VIL1: variants seen among roughly 807,000 people sequenced by gnomAD.
VIL1 encodes villin 1, also known as villin-1.
VIL1 carries 86 observed loss-of-function variants against 104.0 expected under a neutral mutation model. That is an observed-to-expected ratio of 0.83 (90% confidence interval 0.69 to 0.99). The LOEUF is 0.99. Among genes scored for constraint, VIL1 ranks in the 50% least tolerant of loss-of-function variants. The pLI, the probability that VIL1 is intolerant of heterozygous loss-of-function variation, is 0.00. For synonymous variants in VIL1, 394 were observed against 412.6 expected (o/e 0.95, Z 0.55); for missense variants, 944 against 1,054.1 (o/e 0.90, Z 1.45).
intron 12 of VIL1, chr2:218,432,428 C>T: frequency 4.1e-6 from 3 of 735,172 alleles, no homozygotes; most frequent in Non-Finnish European, 2.4e-6. Context: ...ACCTGCTCTG[C>T]CCATGGGTTT....
intron 19 of VIL1, among the ~76,000 whole-genome samples, chr2:218,447,595 C>T (rs535968024): frequency 1.1e-3 from 175 of 152,266 alleles, no homozygotes; most frequent in Middle Eastern, 0.01. Context: ...ACTGGAATTA[C>T]AGACGTGAGC....
At position 218,421,146 on chromosome 2, in the gene VIL1, T is replaced by C. The variant is rs533635573; in HGVS notation, c.-12+1978T>C. 3.9e-5 allele frequency among the ~76,000 whole-genome samples: 6 copies of C among 152,142 alleles called. No individual in the cohort carries two copies. In the South Asian group the frequency reaches 1.0e-3, roughly 26 times the overall value. On this transcript the variant is annotated intron_variant, in intron 1 of 19. Coordinates refer to ENST00000248444, the MANE Select transcript of VIL1 (RefSeq NM_007127.3). ...TTAGTGTCAGAAAGGTGGGGAGAGC[T>C]TTCCATATTGGAGCAGTGCAAGCAG...
chr2:218,447,662 T>C (rs375985096), intron 19 of VIL1, among the ~76,000 whole-genome samples: 1 of 152,112 alleles, frequency 6.6e-6, no homozygotes, highest in African/African-American at 2.4e-5. Flanking sequence ...GATACCCTTA[T>C]AGGGCTCATC....
At chr2:218,441,993 GATAATA>G (rs34846635) in intron 19 of VIL1, among the ~76,000 whole-genome samples, 1 of 151,408 alleles carries the variant, frequency 6.6e-6, no homozygotes, top group Non-Finnish European at 1.5e-5. Context: ...ATCTCAAAAT[GATAATA>G]ATAATAATAA....
intron 7 of VIL1, 25 bp downstream of exon 7, chr2:218,429,512 G>T (rs755945766): frequency 6.2e-7 from 1 of 1,613,376 alleles, no homozygotes; most frequent in East Asian, 2.2e-5. Flanking sequence ...GGGTCTTCCT[G>T]GGTGCTGGGG....
chr2:218,443,436 G>A (rs1314367515), intron 19 of VIL1, among the ~76,000 whole-genome samples: 1 of 151,888 alleles, frequency 6.6e-6, no homozygotes, highest in African/African-American at 2.4e-5. Flanking sequence ...GACCTTAGGT[G>A]ATCTGCCCAC....
intron 2 of VIL1, 103 bp downstream of exon 2, chr2:218,423,956 C>T: frequency 7.5e-7 from 1 of 1,327,386 alleles, no homozygotes; most frequent in Non-Finnish European, 1.1e-6. Flanking sequence ...CTGCTCCTGC[C>T]CTGAAGCCCC....
At chr2:218,420,590 T>TG (rs1272906981) in intron 1 of VIL1, among the ~76,000 whole-genome samples, 2 of 150,322 alleles carry the variant, frequency 1.3e-5, no homozygotes, top group African/African-American at 4.9e-5. Context: ...TTTTTTTTTT[T>TG]TTGTTTTTTT....
chr2:218,434,459 T>G, intron 13 of VIL1, 67 bp from the exon 14 acceptor site: 3 of 1,504,240 alleles, frequency 2.0e-6, no homozygotes, highest in Non-Finnish European at 2.7e-6. Context: ...TCCCCCTCTG[T>G]TCCCCATCAT....
intron 19 of VIL1, among the ~76,000 whole-genome samples, chr2:218,441,544 C>G (rs1689284826): frequency 6.6e-6 from 1 of 152,152 alleles, no homozygotes; most frequent in Non-Finnish European, 1.5e-5. Flanking sequence ...GGGGGCAAAA[C>G]TGCAAGAGGG....
chr2:218,420,604 GAGA>G (rs1688886924), intron 1 of VIL1, among the ~76,000 whole-genome samples: 1 of 101,322 alleles, frequency 9.9e-6, no homozygotes, highest in Non-Finnish European at 2.1e-5. Context: ...TTTTTTTTTT[GAGA>G]AGGAGTCTCA....
chr2:218,424,833 A>G (rs1363458153), intron 3 of VIL1, among the ~76,000 whole-genome samples: 2 of 151,410 alleles, frequency 1.3e-5, no homozygotes, highest in African/African-American at 2.4e-5. Context: ...ATTTTTTTGT[A>G]TTTTTTAGTA....
chr2:218,424,407 A>C, intron 3 of VIL1, 56 bp downstream of exon 3: 1 of 1,578,564 alleles, frequency 6.3e-7, no homozygotes, highest in African/African-American at 1.3e-5. Flanking sequence ...CTGTGGTGTC[A>C]GGGAGGAAAC....
chr2:218,439,872 C>T (rs955725138), intron 18 of VIL1, among the ~76,000 whole-genome samples: 5 of 150,752 alleles, frequency 3.3e-5, no homozygotes, highest in African/African-American at 1.2e-4. Context: ...TGTATTTAGC[C>T]TTTAGGCCTG....
intron 1 of VIL1, among the ~76,000 whole-genome samples, chr2:218,422,187 G>A (rs1030287101): frequency 2.0e-5 from 3 of 152,116 alleles, no homozygotes; most frequent in Non-Finnish European, 4.4e-5. Context: ...CCCGGGAGGC[G>A]GAGGTTGAAG....
chr2:218,451,375 G>A lies in VIL1; in HGVS notation c.*2039G>A, dbSNP rs1421499904. The A allele has an allele frequency of 6.6e-6, 1 of 152,070 alleles. No homozygotes were observed. The highest frequency in any genetic ancestry group is 1.5e-5 in the Non-Finnish European group (1 of 68,008). The allele number at this position is 152,070 out of a possible 1,614,324, so 9.4% of individuals were successfully genotyped here. On this transcript the variant is annotated 3_prime_UTR_variant, in exon 20 of 20. Coordinates refer to ENST00000248444, the MANE Select transcript of VIL1 (RefSeq NM_007127.3). ...CCTGTTTAAAACAAAAGACCACCTC[G>A]GGGGGTCAATTAAATTAAAAAGGCC...
At chr2:218,438,877 G>T in intron 18 of VIL1, 151 bp downstream of exon 18, 1 of 621,454 alleles carries the variant, frequency 1.6e-6, no homozygotes. Flanking sequence ...TTTTACTTCA[G>T]TGCCTCTAGT....
chr2:218,438,144 G>A (rs528730707), intron 17 of VIL1, among the ~76,000 whole-genome samples: 2 of 151,492 alleles, frequency 1.3e-5, no homozygotes, highest in Admixed American at 6.6e-5. Context: ...AGTGTGTGCT[G>A]GCTTCTCTCT....
chr2:218,438,556 A>C, intron 17 of VIL1, 102 bp from the exon 18 acceptor site: 1 of 1,085,742 alleles, frequency 9.2e-7, no homozygotes, highest in Admixed American at 2.1e-5. Flanking sequence ...TCTTACCACT[A>C]GGCCCCAGAC....
Sources: gnomAD v4.1 joint callset for allele counts (sites outside exome capture counted in the v4.1 genomes callset) on GRCh38, gnomAD v4.1.1 for gene constraint, MANE v1.5 for transcripts, NCBI Gene and HGNC (gene_info 2026-07-23, HGNC 2026-07-21) for gene names.